The following FILIP1L variants were observed in gnomAD, a reference collection of about 807,000 sequenced individuals.
FILIP1L encodes filamin A-interacting protein 1-like.
Under a neutral mutation model 96.6 loss-of-function variants are expected in FILIP1L, and 55 were observed. The ratio of observed to expected loss-of-function variants is 0.57; its 90% CI spans 0.46 to 0.71. The LOEUF is 0.71. FILIP1L is among the 30% of genes least tolerant of loss of function. The pLI, the probability that FILIP1L is intolerant of heterozygous loss-of-function variation, is 0.00. For synonymous variants in FILIP1L, 467 were observed against 473.9 expected (o/e 0.99, Z 0.19); for missense variants, 1,304 against 1,321.2 (o/e 0.99, Z 0.20).
At chr3:100,113,087 T>C (rs895908636) in intron 1 of FILIP1L, among the ~76,000 whole-genome samples, 3 of 152,236 alleles carry the variant, frequency 2.0e-5, no homozygotes, top group Non-Finnish European at 2.9e-5. Flanking sequence ...AGTGTATGTG[T>C]TGCACCTCTT....
chr3:99,837,242 G>A (rs980292442), intron 5 of FILIP1L, among the ~76,000 whole-genome samples: 1 of 152,076 alleles, frequency 6.6e-6, no homozygotes, highest in Non-Finnish European at 1.5e-5. Flanking sequence ...TGCCCTAAAG[G>A]AATAACTATC....
intron 1 of FILIP1L, among the ~76,000 whole-genome samples, chr3:100,084,208 G>A (rs1356278288): frequency 6.6e-6 from 1 of 152,078 alleles, no homozygotes; most frequent in Non-Finnish European, 1.5e-5. Flanking sequence ...GTTATTTCAT[G>A]TACATGTTTA....
At chr3:99,930,108 A>C (rs1707430272) in intron 2 of FILIP1L, 79 bp from the exon 3 acceptor site, 2 of 1,218,130 alleles carry the variant, frequency 1.6e-6, no homozygotes, top group East Asian at 4.9e-5. Flanking sequence ...GATAGTTGGC[A>C]GTGCTTTTTC....
chr3:100,103,771 C>T (rs2066348249), intron 1 of FILIP1L, among the ~76,000 whole-genome samples: 1 of 152,166 alleles, frequency 6.6e-6, no homozygotes, highest in South Asian at 2.1e-4. Flanking sequence ...TTGCAATAAA[C>T]ATGTTTGTTC....
chr3:99,832,935 T>C (rs1255201954), intron 5 of FILIP1L, among the ~76,000 whole-genome samples: 1 of 151,252 alleles, frequency 6.6e-6, no homozygotes, highest in Non-Finnish European at 1.5e-5. Flanking sequence ...TTAAAATGTG[T>C]CATCTCTTGG....
chr3:100,089,418 C>G (rs1026875535), intron 1 of FILIP1L, among the ~76,000 whole-genome samples: 2 of 152,152 alleles, frequency 1.3e-5, no homozygotes, highest in African/African-American at 4.8e-5. Context: ...ATTAAATATT[C>G]TTTGTTTTTA....
At chr3:99,938,089 G>GCA (rs1332912369) in intron 1 of FILIP1L, among the ~76,000 whole-genome samples, 6 of 152,002 alleles carry the variant, frequency 3.9e-5, no homozygotes, top group Admixed American at 2.0e-4. Flanking sequence ...GCGCGCGCGC[G>GCA]CGTGCATGCA....
intron 1 of FILIP1L, among the ~76,000 whole-genome samples, chr3:100,109,087 TAAA>T (rs5851196): frequency 6.9e-6 from 1 of 144,792 alleles, no homozygotes; most frequent in Admixed American, 6.9e-5. Context: ...AACTGTCTCT[TAAA>T]AAAAAAAAAA....
chr3:99,995,618 C>A (rs1709655452), intron 1 of FILIP1L, among the ~76,000 whole-genome samples: 1 of 152,240 alleles, frequency 6.6e-6, no homozygotes, highest in African/African-American at 2.4e-5. Context: ...TATGAGCGCC[C>A]TTCCCCTGCA....
intron 4 of FILIP1L, among the ~76,000 whole-genome samples, chr3:99,894,759 A>G (rs1706195125): frequency 1.3e-5 from 2 of 152,216 alleles, no homozygotes; most frequent in South Asian, 4.1e-4. Context: ...AACTCCATTT[A>G]GGTAACTGTG....
intron 4 of FILIP1L, among the ~76,000 whole-genome samples, chr3:99,854,983 A>G (rs1174255640): frequency 6.6e-6 from 1 of 152,150 alleles, no homozygotes; most frequent in African/African-American, 2.4e-5. Flanking sequence ...GGGCCTCACA[A>G]TTTGCCTTAT....
intron 4 of FILIP1L, chr3:99,875,932 A>C: frequency 2.2e-6 from 1 of 457,268 alleles, no homozygotes; most frequent in Non-Finnish European, 2.9e-6. Flanking sequence ...TTTTGAACCT[A>C]GAATTCATTG....
Position 99,924,215 on chromosome 3 carries a change from C to G in FILIP1L, c.605+15G>C. The stretch of plus-strand genomic sequence containing the variant: ...GATTGCAGAATGGGACATTGTTTGC[C>G]CAAAGCAGCCTTACCTTTCACATTC... On this transcript the variant is annotated intron_variant, in intron 4 of 5. Transcript: ENST00000477258. The G allele has an allele frequency of 2.5e-6, 4 of 1,609,328 alleles. No individual in the cohort carries two copies. Among genetic ancestry groups the G allele is most frequent in the Non-Finnish European group, 2.5e-6 (3 of 1,177,534 alleles).
intron 4 of FILIP1L, among the ~76,000 whole-genome samples, chr3:99,917,759 C>A (rs1206444407): frequency 6.6e-6 from 1 of 152,164 alleles, no homozygotes; most frequent in Non-Finnish European, 1.5e-5. Flanking sequence ...ATACCGAAAT[C>A]TAGATGTCCT....
intron 1 of FILIP1L, among the ~76,000 whole-genome samples, chr3:99,997,460 G>A (rs1193623525): frequency 1.3e-5 from 2 of 152,178 alleles, no homozygotes; most frequent in African/African-American, 4.8e-5. Flanking sequence ...TTGAGGCTAA[G>A]TCTTCCAAGT....
intron 1 of FILIP1L, among the ~76,000 whole-genome samples, chr3:99,999,143 T>C (rs1218328534): frequency 6.6e-6 from 1 of 151,792 alleles, no homozygotes; most frequent in Non-Finnish European, 1.5e-5. Context: ...CCATGAATTG[T>C]ATTTAGTGTT....
At chr3:99,852,009 T>C (rs1943721574) in intron 4 of FILIP1L, among the ~76,000 whole-genome samples, 1 of 152,346 alleles carries the variant, frequency 6.6e-6, no homozygotes, top group South Asian at 2.1e-4. Flanking sequence ...AGGAACATAA[T>C]AATTCCCTCT....
chr3:99,992,326 A>G (rs1013987513), intron 1 of FILIP1L, among the ~76,000 whole-genome samples: 1 of 151,992 alleles, frequency 6.6e-6, no homozygotes, highest in Non-Finnish European at 1.5e-5. Flanking sequence ...ATCCTTGCCA[A>G]CATCTGTTGT....
At chr3:100,047,127 GTAAAATGGGTA>G (rs1199899152) in intron 1 of FILIP1L, among the ~76,000 whole-genome samples, 1 of 152,126 alleles carries the variant, frequency 6.6e-6, no homozygotes, top group East Asian at 1.9e-4. Flanking sequence ...TTCCTTGTTG[GTAAAATGGGTA>G]TAATACTTTC....
Sources: gnomAD v4.1 joint callset for allele counts (sites outside exome capture counted in the v4.1 genomes callset) on GRCh38, gnomAD v4.1.1 for gene constraint, MANE v1.5 for transcripts, NCBI Gene and HGNC (gene_info 2026-07-23, HGNC 2026-07-21) for gene names.